The following ATAD2B variants were observed in gnomAD, a reference collection of about 807,000 sequenced individuals.
ATAD2B encodes ATPase family AAA domain-containing protein 2B.
In ATAD2B, 40 loss-of-function variants were observed where a neutral mutation model predicts 167.6. That is an observed-to-expected ratio of 0.24 (90% CI 0.19 to 0.31). ATAD2B has a LOEUF of 0.31. Among genes scored for constraint, ATAD2B ranks in the 10% least tolerant of loss-of-function variants. ATAD2B has a pLI of 1.00. For synonymous variants in ATAD2B, 579 were observed against 596.5 expected (o/e 0.97, Z 0.43); for missense variants, 1,242 against 1,757.2 (o/e 0.71, Z 5.24).
At chr2:23,742,934 A>G in the ATAD2B span, among the ~76,000 whole-genome samples, 1 of 152,188 alleles carries the variant, frequency 6.6e-6, no homozygotes, top group Non-Finnish European at 1.5e-5. Flanking sequence ...AAAGTGTAAC[A>G]TTTAGACACA....
rs1249649740 is a variant in ATAD2B at position 23,757,591 on chromosome 2, C to T, written c.3905G>A (p.Cys1302Tyr). ...VVSFCDSGDK[C>Y]SSEQKILLED... ...CAGAAGAATCTTTTGTTCAGAACTA[C>T]ATTTATCTCCACTATCACAGAAAGA... The change falls in exon 25 of 28, where the codon TGT (cysteine) becomes TAT (tyrosine). Residue 1302 changes from cysteine (C) to tyrosine (Y), a missense_variant. Transcript: ENST00000238789. 1.9e-6 allele frequency: 3 copies of T among 1,613,548 alleles called. No homozygotes were observed. Among genetic ancestry groups the T allele is most frequent in the Non-Finnish European group, 2.5e-6 (3 of 1,179,678 alleles).
At chr2:23,707,211 C>G in the ATAD2B span, 4 of 152,244 alleles carry the variant, frequency 2.6e-5, no homozygotes, top group Non-Finnish European at 4.4e-5. Context: ...TGAAGAGAAG[C>G]CCAGCTGCCC....
chr2:23,696,725 G>A, the ATAD2B span: 1 of 498,602 alleles, frequency 2.0e-6, no homozygotes, highest in Non-Finnish European at 3.5e-6. The surrounding 1 kb of genome is among the most constrained non-coding windows in gnomAD (Gnocchi z 5.5). Context: ...TGTCACCTTT[G>A]CAGTCGCTGA....
chr2:23,810,599 C>G (rs1685404907), intron 17 of ATAD2B, 97 bp from the exon 18 acceptor site: 1 of 909,284 alleles, frequency 1.1e-6, no homozygotes, highest in Admixed American at 2.7e-5. Context: ...CAATTTAACT[C>G]CAAATTAACA....
intron 14 of ATAD2B, 36 bp downstream of exon 14, chr2:23,833,883 T>C (rs189124130): frequency 1.2e-4 from 184 of 1,511,562 alleles, no homozygotes; most frequent in African/African-American, 5.6e-4. Flanking sequence ...TAGAATTACA[T>C]ATAAATGTTA....
chr2:23,679,982 G>A, the ATAD2B span, among the ~76,000 whole-genome samples: 5 of 152,214 alleles, frequency 3.3e-5, no homozygotes, highest in Admixed American at 1.3e-4. Flanking sequence ...CCCTGGGAGT[G>A]GAGGAGGAGC....
At chr2:23,887,764 T>A in intron 4 of ATAD2B, 68 bp downstream of exon 4, 2 of 1,391,022 alleles carry the variant, frequency 1.4e-6, no homozygotes, top group Non-Finnish European at 1.9e-6. Context: ...TTATGTTATT[T>A]TTTTAAAACG....
chr2:23,825,530 A>T (rs1260764872), intron 15 of ATAD2B, among the ~76,000 whole-genome samples: 1 of 152,160 alleles, frequency 6.6e-6, no homozygotes, highest in African/African-American at 2.4e-5. Flanking sequence ...TTGCATATAT[A>T]CCCATTTCAT....
chr2:23,915,711 C>T (rs1368585397), intron 1 of ATAD2B, among the ~76,000 whole-genome samples: 3 of 150,726 alleles, frequency 2.0e-5, no homozygotes, highest in African/African-American at 7.3e-5. Context: ...CCTGCCTCAG[C>T]CTCCCAAATA....
At chr2:23,821,035 A>G (rs1248818338) in intron 16 of ATAD2B, among the ~76,000 whole-genome samples, 1 of 152,208 alleles carries the variant, frequency 6.6e-6, no homozygotes, top group East Asian at 1.9e-4. Flanking sequence ...AATTTCATAC[A>G]CAAGGAAATA....
chr2:23,731,902 A>G, the ATAD2B span, among the ~76,000 whole-genome samples: 120 of 152,136 alleles, frequency 7.9e-4, no homozygotes, highest in African/African-American at 2.8e-3. Context: ...ATTTGAGCCC[A>G]GAAGTTTGAG....
chr2:23,693,632 C>A, the ATAD2B span: 1 of 1,225,512 alleles, frequency 8.2e-7, no homozygotes, highest in Non-Finnish European at 1.1e-6. Context: ...CCTTGTCCTG[C>A]TCTCCCTAAG....
chr2:23,695,840 C>T, the ATAD2B span: 7 of 1,542,292 alleles, frequency 4.5e-6, no homozygotes, highest in South Asian at 6.1e-5. The surrounding 1 kb of genome is among the most constrained non-coding windows in gnomAD (Gnocchi z 7.6). Context: ...GGGCACGCCC[C>T]GAACCTCCCA....
the ATAD2B span, among the ~76,000 whole-genome samples, chr2:23,735,455 T>C: frequency 6.6e-6 from 1 of 152,240 alleles, no homozygotes; most frequent in Admixed American, 6.5e-5. Context: ...TTGTTCAACT[T>C]ATAAAAGATA....
At chr2:23,754,913 A>C (rs1439749189) in intron 25 of ATAD2B, 139 bp from the exon 26 acceptor site, 2 of 818,554 alleles carry the variant, frequency 2.4e-6, no homozygotes, top group East Asian at 2.9e-5. Context: ...ATTTTTTTTA[A>C]AGCAACCCAA....
At chr2:23,920,977 G>C (rs1353280887) in intron 1 of ATAD2B, among the ~76,000 whole-genome samples, 1 of 152,018 alleles carries the variant, frequency 6.6e-6, no homozygotes, top group Non-Finnish European at 1.5e-5. Flanking sequence ...GACCGAGGCG[G>C]GCGGGTCGCC....
chr2:23,815,891 T>C (rs984010013), intron 17 of ATAD2B, among the ~76,000 whole-genome samples: 6 of 152,222 alleles, frequency 3.9e-5, no homozygotes, highest in Non-Finnish European at 7.3e-5. Flanking sequence ...TTTATCTATC[T>C]AGCAAGCTAT....
chr2:23,767,305 G>A (rs536964881), intron 22 of ATAD2B, among the ~76,000 whole-genome samples: 1 of 152,172 alleles, frequency 6.6e-6, no homozygotes, highest in South Asian at 2.1e-4. Flanking sequence ...AGCCTGTGTG[G>A]TCTAACCCTA....
the ATAD2B span, among the ~76,000 whole-genome samples, chr2:23,743,062 C>T: frequency 6.6e-6 from 1 of 151,646 alleles, no homozygotes; most frequent in African/African-American, 2.4e-5. Context: ...GCACCGACTT[C>T]TCAGCAGCAA....
Sources: gnomAD v4.1 joint callset for allele counts (sites outside exome capture counted in the v4.1 genomes callset) on GRCh38, gnomAD v4.1.1 for gene constraint, Gnocchi (gnomAD v3.1) non-coding constraint, MANE v1.5 for transcripts, NCBI Gene and HGNC (gene_info 2026-07-23, HGNC 2026-07-21) for gene names.